The following GALNT12 variants were observed in gnomAD, a reference collection of about 807,000 sequenced individuals.
The protein encoded by GALNT12 is UDP-GalNAc:polypeptide N-acetylgalactosaminyltransferase 12.
A neutral mutation model predicts 55.5 loss-of-function variants in GALNT12; 45 were observed. The ratio of observed to expected loss-of-function variants is 0.81; its 90% CI spans 0.64 to 1.04. The LOEUF is 1.04. GALNT12 is among the 50% of genes least tolerant of loss of function. The pLI, the probability that GALNT12 is intolerant of heterozygous loss-of-function variation, is 0.00. For missense variants in GALNT12, 709 were observed against 754.8 expected, an observed-to-expected ratio of 0.94 and a Z score of 0.71; for synonymous variants, 304 against 312.2, an observed-to-expected ratio of 0.97 and a Z score of 0.28.
intron 2 of GALNT12, among the ~76,000 whole-genome samples, chr9:98,825,381 T>C (rs1835835015): frequency 6.6e-6 from 1 of 152,172 alleles, no homozygotes; most frequent in African/African-American, 2.4e-5. Flanking sequence ...TGTGGGAACT[T>C]GGGAAAACAG....
intron 1 of GALNT12, among the ~76,000 whole-genome samples, chr9:98,816,579 C>G (rs1835616201): frequency 6.6e-6 from 1 of 151,714 alleles, no homozygotes; most frequent in African/African-American, 2.4e-5. Flanking sequence ...GTTTTAGCAG[C>G]ATCTTAAGAA....
At chr9:98,820,535 T>C (rs1401632487) in intron 1 of GALNT12, among the ~76,000 whole-genome samples, 1 of 152,252 alleles carries the variant, frequency 6.6e-6, no homozygotes, top group Non-Finnish European at 1.5e-5. Context: ...TCTTTGCTAT[T>C]GTGAATAGTA....
Position 98,807,781 on chromosome 9 carries a change from T to G in GALNT12, c.83T>G (p.Leu28Arg). 1 of 1,146,128 alleles carries G rather than the reference T, an allele frequency of 8.7e-7. No homozygotes were observed. The highest frequency in any genetic ancestry group is 1.1e-6 in the Non-Finnish European group (1 of 931,490). 71.0% of individuals were successfully genotyped at this position (1,146,128 alleles called of 1,614,324 possible). ...GCGCTGTTGGTGCTCCTGGCGCTAC[T>G]GGCGTTGGCCGGGCTGGGCTCGGTG... ...REALLVLLAL[L>R]ALAGLGSVLR... The change falls in exon 1 of 10, where the codon CTG (leucine) becomes CGG (arginine). Residue 28 changes from leucine (L) to arginine (R), a missense_variant. Transcript: ENST00000375011.
intron 1 of GALNT12, among the ~76,000 whole-genome samples, chr9:98,811,683 CTTT>C (rs34942139): frequency 3.8e-5 from 5 of 132,014 alleles, no homozygotes; most frequent in Admixed American, 7.8e-5. Flanking sequence ...CGAAGTCGTT[CTTT>C]TTTTTTTTTT....
chr9:98,849,237 T>C lies in GALNT12; in HGVS notation c.*145T>C, dbSNP rs908133489. The C allele has an allele frequency of 5.2e-6, 4 of 776,144 alleles. No individual in the cohort carries two copies. Among genetic ancestry groups the C allele is most frequent in the African/African-American group, 1.7e-5 (1 of 57,820 alleles). The allele number at this position is 776,144 out of a possible 1,614,324, so 48.1% of individuals were successfully genotyped here. On this transcript the variant is annotated 3_prime_UTR_variant, in exon 10 of 10. Transcript: ENST00000375011. ...GCAATCATTTTGCCATTTGTGAAAGTTGTGTTGGATTTAGTAAAAATGTGA... is the reference window on the plus strand; with the variant it reads ...GCAATCATTTTGCCATTTGTGAAAGCTGTGTTGGATTTAGTAAAAATGTGA...
At chr9:98,845,796 A>G (rs542352686) in intron 8 of GALNT12, among the ~76,000 whole-genome samples, 181 bp from the exon 9 acceptor site, 1 of 152,250 alleles carries the variant, frequency 6.6e-6, no homozygotes, top group East Asian at 1.9e-4. Context: ...GAAGCACTGC[A>G]GTAGCGGTTC....
rs148647485 is a variant in GALNT12 at position 98,846,092 on chromosome 9, C to T, written c.1574C>T (p.Ala525Val). The T allele has an allele frequency of 6.2e-7, 1 of 1,614,044 alleles. No homozygotes were observed. Among genetic ancestry groups the T allele is most frequent in the Non-Finnish European group, 8.5e-7 (1 of 1,180,016 alleles). ...ATCATGCATCTCTGCGAAGAAACTG[C>T]CCCAGAGAATCAGAAGTTCATCTTG... The part of the protein sequence containing the change: ...TLIMHLCEET[A>V]PENQKFILQE... The change falls in exon 9 of 10, where the codon GCC (alanine) becomes GTC (valine). Residue 525 changes from alanine to valine, a missense_variant. By Grantham distance (64) the Ala-to-Val change is moderately conservative. Coordinates refer to ENST00000375011, the MANE Select transcript of GALNT12 (RefSeq NM_024642.5).
chr9:98,814,342 C>A (rs1835566064), intron 1 of GALNT12, among the ~76,000 whole-genome samples: 1 of 152,044 alleles, frequency 6.6e-6, no homozygotes, highest in African/African-American at 2.4e-5. Context: ...TCTCCTTGGC[C>A]TTTTCTACAG....
chr9:98,807,794 G>A lies in GALNT12; in HGVS notation c.96G>A (p.Gly32=). 9.0e-7 allele frequency: 1 copy of A among 1,115,584 alleles called. No homozygotes were observed. Among genetic ancestry groups the A allele is most frequent in the Non-Finnish European group, 1.1e-6 (1 of 914,940 alleles). 69.1% of individuals were successfully genotyped at this position (1,115,584 alleles called of 1,614,324 possible). Residue 32 remains glycine, a synonymous_variant, in exon 1 of 10, where the codon GGG becomes GGA. Transcript: ENST00000375011. ...LVLLALLALA[G]LGSVLRAQRG... ...TCCTGGCGCTACTGGCGTTGGCCGG[G>A]CTGGGCTCGGTGCTGCGGGCGCAGC...
intron 1 of GALNT12, among the ~76,000 whole-genome samples, chr9:98,809,961 T>C (rs1275907866): frequency 1.3e-5 from 2 of 152,204 alleles, no homozygotes; most frequent in Non-Finnish European, 2.9e-5. Flanking sequence ...GGAGTGTGAA[T>C]GCCTCCTGCT....
intron 6 of GALNT12, among the ~76,000 whole-genome samples, chr9:98,837,719 A>G (rs1178810555): frequency 6.6e-6 from 1 of 152,208 alleles, no homozygotes; most frequent in Non-Finnish European, 1.5e-5. Flanking sequence ...GGTGCCCAAC[A>G]GATGGTGAAA....
chr9:98,836,942 C>T (rs1325157329), intron 5 of GALNT12, 30 bp from the exon 6 acceptor site: 4 of 1,613,312 alleles, frequency 2.5e-6, no homozygotes, highest in South Asian at 2.2e-5. Flanking sequence ...CCCTGCTCAC[C>T]ACCTGGCCTC....
At chr9:98,824,843 C>T (rs186223317) in intron 2 of GALNT12, among the ~76,000 whole-genome samples, 139 of 152,252 alleles carry the variant, frequency 9.1e-4, no homozygotes, top group Non-Finnish European at 1.4e-3. Flanking sequence ...ATGTAGCAGC[C>T]GGCACATAGT....
Position 98,831,950 on chromosome 9 carries a change from G to C in GALNT12, c.910G>C (p.Val304Leu). ...GATACGGATGCAATCCCCCGTCGAT[G>C]TCATCAGGTCAGGAGCTGACTTCTG... ...ERIRMQSPVD[V>L]IRSPTMAGGL... Residue 304 changes from valine to leucine, a missense_variant, in exon 4 of 10, where the codon GTC becomes CTC. Physicochemically the swap from Val to Leu is conservative, Grantham distance 32. Coordinates refer to ENST00000375011, the MANE Select transcript of GALNT12 (RefSeq NM_024642.5). 1 of 1,613,740 alleles carries C rather than the reference G, an allele frequency of 6.2e-7. No individual in the cohort carries two copies.
chr9:98,830,923 T>G (rs775603212), intron 3 of GALNT12, among the ~76,000 whole-genome samples: 6 of 152,166 alleles, frequency 3.9e-5, no homozygotes, highest in African/African-American at 1.4e-4. Flanking sequence ...ACTCTTAGGA[T>G]TTTTAGGTCT....
In GALNT12 at chr9:98,832,054, T is replaced by C. The variant is rs1836012793; in HGVS notation, c.917+97T>C. 3 of 1,024,568 alleles carry C rather than the reference T, an allele frequency of 2.9e-6. No homozygotes were observed. In the South Asian group the frequency reaches 4.1e-5, roughly 14 times the overall value. The allele number at this position is 1,024,568 out of a possible 1,614,324, so 63.5% of individuals were successfully genotyped here. On this transcript the variant is annotated intron_variant, in intron 4 of 9. Coordinates refer to ENST00000375011, the MANE Select transcript of GALNT12 (RefSeq NM_024642.5). ...GGCCCTCGGGAGGAATGGTTAGCTG[T>C]CAGCTTAACTACCTCCCCTCTTCCC...
Position 98,840,116 on chromosome 9 carries a change from C to T in GALNT12, c.1327C>T (p.Pro443Ser), listed in dbSNP as rs201667596. Reference protein sequence around the residue: ...YPELHVPEDRPGFFGMLQNKG... With the variant: ...YPELHVPEDRSGFFGMLQNKG... Reference sequence around the variant, plus strand: ...AGAACTGCATGTGCCTGAGGACAGGCCTGGCTTCTTCGGGATGGTGAGTGA... The same window carrying T: ...AGAACTGCATGTGCCTGAGGACAGGTCTGGCTTCTTCGGGATGGTGAGTGA... Residue 443 changes from proline (P) to serine (S), a missense_variant, in exon 7 of 10, where the codon CCT becomes TCT. Coordinates refer to ENST00000375011, the MANE Select transcript of GALNT12 (RefSeq NM_024642.5). 6.2e-7 allele frequency: 1 copy of T among 1,613,834 alleles called. No individual in the cohort carries two copies. The highest frequency in any genetic ancestry group is 1.1e-5 in the South Asian group (1 of 91,076).
intron 2 of GALNT12, among the ~76,000 whole-genome samples, chr9:98,824,868 A>C (rs1835823957): frequency 6.6e-6 from 1 of 152,266 alleles, no homozygotes; most frequent in Middle Eastern, 3.4e-3. Context: ...GCTCATCTGC[A>C]TTTCCTTTTT....
At chr9:98,844,056 A>G (rs1298170299) in intron 7 of GALNT12, 40 bp from the exon 8 acceptor site, 8 of 1,408,712 alleles carry the variant, frequency 5.7e-6, no homozygotes, top group East Asian at 2.3e-5. Flanking sequence ...GTTAGTGTCT[A>G]TAAATCTGGA....
Sources: allele counts gnomAD v4.1 joint callset (sites outside exome capture counted in the v4.1 genomes callset), GRCh38; gene constraint gnomAD v4.1.1; transcripts MANE v1.5; gene names NCBI Gene and HGNC (gene_info 2026-07-23, HGNC 2026-07-21).